The following DSE variants were observed in gnomAD, a reference collection of about 807,000 sequenced individuals.
The protein encoded by DSE is dermatan sulfate epimerase.
In DSE, 36 loss-of-function variants were observed where a neutral mutation model predicts 84.4. The observed-to-expected ratio is 0.43, with a 90% confidence interval of 0.33 to 0.56. The LOEUF is 0.56. Ranked by LOEUF, DSE falls within the 20% of genes least tolerant of loss-of-function variation. The pLI is 0.06. For synonymous variants in DSE, 410 were observed against 430.1 expected (o/e 0.95, Z 0.58); for missense variants, 862 against 1,169.6 (o/e 0.74, Z 3.84).
intron 1 of DSE, among the ~76,000 whole-genome samples, chr6:116,397,179 C>T (rs1427192401): frequency 1.4e-5 from 2 of 144,882 alleles, no homozygotes; most frequent in Admixed American, 6.9e-5. Flanking sequence ...TTTTTTTAAT[C>T]GTTAGCGGTA....
chr6:116,338,489 G>T (rs1777401423), intron 2 of DSE, among the ~76,000 whole-genome samples: 1 of 152,068 alleles, frequency 6.6e-6, no homozygotes. Flanking sequence ...CTCCCAAAGT[G>T]CTGGGATTAC....
chr6:116,417,700 T>C (rs766034043), intron 2 of DSE, among the ~76,000 whole-genome samples: 3 of 152,184 alleles, frequency 2.0e-5, no homozygotes, highest in Non-Finnish European at 4.4e-5. Flanking sequence ...TAAGTTATTT[T>C]CCCTGAAAAA....
intron 1 of DSE, among the ~76,000 whole-genome samples, chr6:116,397,294 C>T (rs1490127021): frequency 2.7e-5 from 4 of 150,404 alleles, no homozygotes; most frequent in Admixed American, 1.3e-4. Flanking sequence ...CTGCAACCTC[C>T]GCCTCCCAGG....
intron 1 of DSE, among the ~76,000 whole-genome samples, chr6:116,388,704 T>C (rs1780712197): frequency 6.6e-6 from 1 of 152,230 alleles, no homozygotes; most frequent in African/African-American, 2.4e-5. Context: ...TTTCATCTGT[T>C]GCATTTCATC....
chr6:116,431,118 C>A lies in DSE; in HGVS notation c.835C>A (p.His279Asn). 6.2e-7 allele frequency: 1 copy of A among 1,614,178 alleles called. No individual in the cohort carries two copies. Among genetic ancestry groups the A allele is most frequent in the Non-Finnish European group, 8.5e-7 (1 of 1,180,028 alleles). Residue 279 changes from histidine (H) to asparagine (N), a missense_variant, in exon 4 of 6, where the codon CAC becomes AAC. By Grantham distance (68) the His-to-Asn change is moderately conservative. This residue lies in a region of DSE where 309 missense variants were observed against 516.9 expected (regional missense o/e 0.60). Transcript: ENST00000644252. ...LFQYMFLVQR[H>N]FNINHFGHPW... ...CCAATACATGTTTCTCGTCCAGAGGCACTTCAACATCAACCACTTTGGCCA... is the reference window on the plus strand; with the variant it reads ...CCAATACATGTTTCTCGTCCAGAGGAACTTCAACATCAACCACTTTGGCCA...
At chr6:116,300,646 G>A (rs879417108) in intron 2 of DSE, among the ~76,000 whole-genome samples, 31 of 152,312 alleles carry the variant, frequency 2.0e-4, no homozygotes, top group Admixed American at 5.9e-4. Context: ...TTGGCCTTTT[G>A]CTAAGTTACC....
At chr6:116,324,225 T>C (rs1482269673) in intron 2 of DSE, among the ~76,000 whole-genome samples, 2 of 152,254 alleles carry the variant, frequency 1.3e-5, no homozygotes, top group African/African-American at 2.4e-5. Context: ...ACTTCACTTA[T>C]ATCTTACTTC....
chr6:116,328,620 A>C (rs1263846928), intron 2 of DSE, among the ~76,000 whole-genome samples: 1 of 152,258 alleles, frequency 6.6e-6, no homozygotes, highest in Non-Finnish European at 1.5e-5. Flanking sequence ...ATAAAAAATG[A>C]CGCACATTGT....
intron 2 of DSE, among the ~76,000 whole-genome samples, chr6:116,273,477 CCCA>C (rs1296245927): frequency 6.6e-6 from 1 of 152,114 alleles, no homozygotes; most frequent in Non-Finnish European, 1.5e-5. Context: ...TAAAACACCT[CCCA>C]TAATAATAAA....
intron 1 of DSE, among the ~76,000 whole-genome samples, chr6:116,396,560 C>T (rs988203752): frequency 6.6e-6 from 1 of 152,172 alleles, no homozygotes; most frequent in Non-Finnish European, 1.5e-5. Context: ...GCTCTGACTC[C>T]CTTGCACGAA....
intron 1 of DSE, among the ~76,000 whole-genome samples, chr6:116,394,507 C>G (rs1781117503): frequency 6.6e-6 from 1 of 151,948 alleles, no homozygotes; most frequent in African/African-American, 2.4e-5. Flanking sequence ...ACAATTATAG[C>G]TCACTGCAGC....
chr6:116,389,525 A>G (rs920253778), intron 1 of DSE, among the ~76,000 whole-genome samples: 18 of 152,216 alleles, frequency 1.2e-4, no homozygotes, highest in Admixed American at 8.5e-4. Flanking sequence ...GTGACAAACA[A>G]CTGTGACCCC....
intron 2 of DSE, chr6:116,259,242 CTA>C (rs1281867205): frequency 1.7e-6 from 1 of 599,228 alleles, no homozygotes; most frequent in Non-Finnish European, 2.9e-6. Context: ...TTTAAAATAT[CTA>C]TTTTAAAATA....
chr6:116,426,469 A>G, intron 2 of DSE, 105 bp from the exon 3 acceptor site: 2 of 1,450,594 alleles, frequency 1.4e-6, no homozygotes, highest in Non-Finnish European at 1.9e-6. Context: ...CCCTTGGATT[A>G]TATCTTCAAG....
intron 2 of DSE, among the ~76,000 whole-genome samples, chr6:116,353,293 T>C (rs1398124941): frequency 2.6e-5 from 4 of 152,166 alleles, no homozygotes; most frequent in African/African-American, 9.6e-5. Flanking sequence ...AAAAGACTGC[T>C]AAGGGGGAGT....
At chr6:116,355,959 A>G (rs1217409372) in intron 2 of DSE, 1 of 152,258 alleles carries the variant, frequency 6.6e-6, no homozygotes, top group Non-Finnish European at 1.5e-5. Context: ...CATACTAGAC[A>G]AAACATAGTT....
chr6:116,273,199 A>T (rs1355813624), intron 2 of DSE, among the ~76,000 whole-genome samples: 1 of 152,254 alleles, frequency 6.6e-6, no homozygotes, highest in East Asian at 1.9e-4. Context: ...TATCTAAGAC[A>T]TATAGGTGTT....
At chr6:116,338,800 G>A (rs986864699) in intron 2 of DSE, among the ~76,000 whole-genome samples, 1 of 152,184 alleles carries the variant, frequency 6.6e-6, no homozygotes, top group Non-Finnish European at 1.5e-5. Flanking sequence ...TCAGCAGCAT[G>A]TTTATTAAAA....
intron 2 of DSE, among the ~76,000 whole-genome samples, chr6:116,361,900 T>C (rs1180931972): frequency 1.3e-5 from 2 of 152,228 alleles, no homozygotes; most frequent in Non-Finnish European, 2.9e-5. Context: ...GTGAGTCGTA[T>C]CTGAAGCTAC....
Sources: allele counts gnomAD v4.1 joint callset (sites outside exome capture counted in the v4.1 genomes callset), GRCh38; gene constraint gnomAD v4.1.1; regional missense constraint gnomAD v4.1.1; transcripts MANE v1.5; gene names NCBI Gene and HGNC (gene_info 2026-07-23, HGNC 2026-07-21).